WWOX: variants seen among roughly 807,000 people sequenced by gnomAD.
The protein encoded by WWOX is WW domain-containing oxidoreductase.
A neutral mutation model predicts 46.2 loss-of-function variants in WWOX; 69 were observed. That is an observed-to-expected ratio of 1.49 (90% confidence interval 1.23 to 1.82). The LOEUF is 1.82. Ranked by LOEUF, WWOX falls within the 40% of genes most tolerant of loss-of-function variation. The probability of loss-of-function intolerance (pLI) is 0.00; values close to 1 mark genes in which losing one functional copy is unlikely to be tolerated. For synonymous variants in WWOX, 359 were observed against 202.6 expected, an observed-to-expected ratio of 1.77 and a Z score of -6.56; for missense variants, 919 against 542.6, an observed-to-expected ratio of 1.69 and a Z score of -6.89.
chr16:78,694,466 C>T (rs546806301), intron 8 of WWOX, among the ~76,000 whole-genome samples: 58 of 152,258 alleles, frequency 3.8e-4, no homozygotes, highest in Non-Finnish European at 4.6e-4. Flanking sequence ...TCAGACACCA[C>T]GTCAGTCTTG....
chr16:78,975,011 C>T (rs954276155), intron 8 of WWOX, among the ~76,000 whole-genome samples: 19 of 152,192 alleles, frequency 1.2e-4, no homozygotes, highest in Non-Finnish European at 2.5e-4. Context: ...CTCTTCTCTC[C>T]TGGTGAGACC....
At chr16:78,497,079 C>G (rs1277191687) in intron 8 of WWOX, among the ~76,000 whole-genome samples, 4 of 152,202 alleles carry the variant, frequency 2.6e-5, no homozygotes, top group African/African-American at 9.7e-5. Context: ...AAGGCCCAAG[C>G]CGTCTATTGT....
chr16:78,969,670 A>C (rs959150057), intron 8 of WWOX, among the ~76,000 whole-genome samples: 2 of 152,150 alleles, frequency 1.3e-5, no homozygotes, highest in African/African-American at 2.4e-5. Flanking sequence ...TGCAGCTTTA[A>C]TAAAGAAGAG....
At chr16:78,655,993 G>A (rs12716857) in intron 8 of WWOX, among the ~76,000 whole-genome samples, 129,595 of 152,132 alleles carry the variant, frequency 0.85, 55,933 homozygotes, top group Non-Finnish European at 0.93. Context: ...GAAAAAAAGA[G>A]AAACACAACA....
At chr16:78,797,854 G>C (rs1016698479) in intron 8 of WWOX, among the ~76,000 whole-genome samples, 2 of 152,176 alleles carry the variant, frequency 1.3e-5, no homozygotes. Flanking sequence ...TGCGCGTGGT[G>C]GCGCGTGCCT....
chr16:79,054,489 A>G (rs1316341738), intron 8 of WWOX, among the ~76,000 whole-genome samples: 1 of 152,158 alleles, frequency 6.6e-6, no homozygotes, highest in Non-Finnish European at 1.5e-5. Flanking sequence ...AGATTTAATC[A>G]GGGGAATACA....
intron 5 of WWOX, among the ~76,000 whole-genome samples, chr16:78,352,555 C>G (rs1243801151): frequency 6.6e-6 from 1 of 152,218 alleles, no homozygotes; most frequent in African/African-American, 2.4e-5. Context: ...TCTCTCTCTT[C>G]TGCTTCTGCT....
At chr16:79,211,261 G>A (rs1036881926) in intron 8 of WWOX, among the ~76,000 whole-genome samples, 4 of 152,146 alleles carry the variant, frequency 2.6e-5, no homozygotes, top group African/African-American at 9.7e-5. Flanking sequence ...GGGGTTGGAT[G>A]AATTTGTTCT....
intron 5 of WWOX, among the ~76,000 whole-genome samples, chr16:78,289,078 A>C (rs72790079): frequency 6.6e-6 from 1 of 152,242 alleles, no homozygotes; most frequent in Non-Finnish European, 1.5e-5. Flanking sequence ...GCCAGGCTGA[A>C]ATGGAGTGGA....
intron 8 of WWOX, among the ~76,000 whole-genome samples, chr16:79,176,908 C>T (rs1286613987): frequency 6.6e-6 from 1 of 152,134 alleles, no homozygotes; most frequent in Non-Finnish European, 1.5e-5. Context: ...CCGACTTTGG[C>T]TCCCCTTCCT....
At chr16:78,725,492 C>T (rs1026181014) in intron 8 of WWOX, among the ~76,000 whole-genome samples, 2 of 151,138 alleles carry the variant, frequency 1.3e-5, no homozygotes, top group South Asian at 2.1e-4. Context: ...GGATTATAGG[C>T]ATCTGCCACC....
intron 1 of WWOX, chr16:78,100,237 GA>G: frequency 3.6e-5 from 41 of 1,134,656 alleles, no homozygotes; most frequent in Non-Finnish European, 4.5e-5. Flanking sequence ...GGGTTGCAGG[GA>G]TAGGAGTTTT....
intron 8 of WWOX, among the ~76,000 whole-genome samples, chr16:78,453,507 C>T (rs946634149): frequency 1.1e-4 from 17 of 151,984 alleles, no homozygotes; most frequent in East Asian, 5.8e-4. Context: ...TGCGAATGGA[C>T]GCTTGTAGAC....
chr16:78,871,608 C>G (rs1274127697), intron 8 of WWOX, among the ~76,000 whole-genome samples: 1 of 152,170 alleles, frequency 6.6e-6, no homozygotes, highest in Non-Finnish European at 1.5e-5. Flanking sequence ...CACTAGGTAA[C>G]AGGCTCTAGA....
intron 8 of WWOX, among the ~76,000 whole-genome samples, chr16:78,541,106 C>G (rs1802251881): frequency 1.3e-5 from 2 of 152,196 alleles, no homozygotes; most frequent in South Asian, 2.1e-4. Context: ...TATTTTGAGA[C>G]CTGACATTTA....
At chr16:78,766,093 T>G (rs2049919187) in intron 8 of WWOX, among the ~76,000 whole-genome samples, 1 of 152,188 alleles carries the variant, frequency 6.6e-6, no homozygotes. Context: ...GTGAATGATT[T>G]GTGGTCAGAG....
chr16:78,979,844 C>G (rs60026483), intron 8 of WWOX, among the ~76,000 whole-genome samples: 2,138 of 152,248 alleles, frequency 0.014, 52 homozygotes, highest in African/African-American at 0.049. Context: ...AATAAATCAA[C>G]GTGGCTGGGT....
At chr16:78,773,202 A>G (rs75896231) in intron 8 of WWOX, among the ~76,000 whole-genome samples, 2,588 of 152,292 alleles carry the variant, frequency 0.017, 73 homozygotes, top group African/African-American at 0.059. Context: ...TTTGTTGGGC[A>G]GTTAATATAT....
chr16:78,266,477 A>G (rs1055259433), intron 5 of WWOX, among the ~76,000 whole-genome samples: 7 of 152,066 alleles, frequency 4.6e-5, no homozygotes, highest in Admixed American at 3.3e-4. Flanking sequence ...CCCTACTATC[A>G]TCTCCACGTC....
Sources: allele counts gnomAD v4.1 joint callset (sites outside exome capture counted in the v4.1 genomes callset), GRCh38; gene constraint gnomAD v4.1.1; transcripts MANE v1.5; gene names NCBI Gene and HGNC (gene_info 2026-07-23, HGNC 2026-07-21).